Variants in SORCS2 observed in about 807,000 individuals in gnomAD.
SORCS2 encodes the protein sortilin related VPS10 domain containing receptor 2.
Under a neutral mutation model 141.6 loss-of-function variants are expected in SORCS2, and 100 were observed. The ratio of observed to expected loss-of-function variants is 0.71; its 90% CI spans 0.60 to 0.83. The LOEUF is 0.83. Ranked by LOEUF, SORCS2 falls within the 40% of genes least tolerant of loss-of-function variation. SORCS2 has a pLI of 0.00. For missense variants in SORCS2, 1,646 were observed against 1,560.2 expected (o/e 1.05, Z -0.93); for synonymous variants, 789 against 676.9 (o/e 1.17, Z -2.57).
chr4:7,240,111 G>A (rs564348504), intron 1 of SORCS2, among the ~76,000 whole-genome samples: 27 of 152,318 alleles, frequency 1.8e-4, no homozygotes, highest in Admixed American at 1.0e-3. Context: ...TCCACCTGAC[G>A]TTGTTGGGCC....
intron 2 of SORCS2, among the ~76,000 whole-genome samples, chr4:7,403,117 A>G (rs1411760180): frequency 2.0e-5 from 3 of 152,172 alleles, no homozygotes; most frequent in African/African-American, 4.8e-5. Context: ...TAGAATAGCA[A>G]TTCTGATGGA....
intron 3 of SORCS2, among the ~76,000 whole-genome samples, chr4:7,621,034 A>G (rs1353623687): frequency 6.6e-6 from 1 of 152,124 alleles, no homozygotes; most frequent in African/African-American, 2.4e-5. Flanking sequence ...GCCGGCCATG[A>G]GGTCCCAGCT....
chr4:7,554,826 G>A (rs1387309883), intron 3 of SORCS2, among the ~76,000 whole-genome samples: 1 of 152,188 alleles, frequency 6.6e-6, no homozygotes, highest in Non-Finnish European at 1.5e-5. Context: ...GGTGCACACA[G>A]GACCCCGTGA....
chr4:7,426,445 G>A (rs1726444489), intron 2 of SORCS2, among the ~76,000 whole-genome samples: 1 of 152,206 alleles, frequency 6.6e-6, no homozygotes, highest in Non-Finnish European at 1.5e-5. Context: ...AAGTGTTGTA[G>A]GCCAGGTGTG....
chr4:7,263,759 C>T (rs1714525422), intron 1 of SORCS2, among the ~76,000 whole-genome samples: 2 of 152,214 alleles, frequency 1.3e-5, no homozygotes, highest in African/African-American at 4.8e-5. Flanking sequence ...CAAGACTCCA[C>T]TGTGGACACC....
chr4:7,409,483 T>A (rs1725170842), intron 2 of SORCS2, among the ~76,000 whole-genome samples: 1 of 152,234 alleles, frequency 6.6e-6, no homozygotes, highest in Non-Finnish European at 1.5e-5. Flanking sequence ...ACGGCTGGGC[T>A]TGGTAGTCCT....
intron 3 of SORCS2, among the ~76,000 whole-genome samples, chr4:7,554,690 G>C (rs905811774): frequency 7.2e-5 from 11 of 152,196 alleles, no homozygotes; most frequent in Non-Finnish European, 1.0e-4. Context: ...GATTCTGCAA[G>C]GTAAGAGGAG....
intron 1 of SORCS2, among the ~76,000 whole-genome samples, chr4:7,383,853 A>G (rs1472680317): frequency 6.6e-6 from 1 of 152,234 alleles, no homozygotes; most frequent in Non-Finnish European, 1.5e-5. Context: ...AATGGAGAGT[A>G]AATAATATTT....
chr4:7,676,434 C>T (rs1723116836), intron 9 of SORCS2, among the ~76,000 whole-genome samples: 1 of 152,202 alleles, frequency 6.6e-6, no homozygotes, highest in Non-Finnish European at 1.5e-5. Flanking sequence ...AAGAGAATTT[C>T]CTTCTTGAGG....
At chr4:7,710,384 C>T (rs1222249746) in intron 14 of SORCS2, among the ~76,000 whole-genome samples, 1 of 152,120 alleles carries the variant, frequency 6.6e-6, no homozygotes, top group African/African-American at 2.4e-5. Context: ...CACGCCTGGG[C>T]CCGGCCTGCA....
chr4:7,605,116 C>A (rs1453753120), intron 3 of SORCS2, among the ~76,000 whole-genome samples: 1 of 152,174 alleles, frequency 6.6e-6, no homozygotes, highest in Non-Finnish European at 1.5e-5. Flanking sequence ...TGTGAGGGAT[C>A]CATGTTTCTT....
chr4:7,225,043 A>G (rs1360428160), intron 1 of SORCS2, among the ~76,000 whole-genome samples: 6 of 152,240 alleles, frequency 3.9e-5, no homozygotes, highest in Admixed American at 3.9e-4. Flanking sequence ...CCAATTATAC[A>G]AAATATGTTG....
chr4:7,670,931 A>T (rs1221009841), intron 8 of SORCS2, among the ~76,000 whole-genome samples: 1 of 152,230 alleles, frequency 6.6e-6, no homozygotes, highest in Non-Finnish European at 1.5e-5. Flanking sequence ...CATTATTGCA[A>T]CCACCATGAG....
intron 2 of SORCS2, among the ~76,000 whole-genome samples, chr4:7,508,930 A>T (rs1259765330): frequency 1.3e-5 from 2 of 152,054 alleles, no homozygotes; most frequent in African/African-American, 4.8e-5. Context: ...GCCCGGCTGC[A>T]AGCTGCTTTC....
At chr4:7,338,074 A>G (rs915126169) in intron 1 of SORCS2, among the ~76,000 whole-genome samples, 1 of 150,806 alleles carries the variant, frequency 6.6e-6, no homozygotes, top group Non-Finnish European at 1.5e-5. Context: ...CACCTAGAAG[A>G]TGTTGGCTGG....
chr4:7,511,579 G>A (rs73099730), intron 2 of SORCS2, among the ~76,000 whole-genome samples: 1 of 152,130 alleles, frequency 6.6e-6, no homozygotes, highest in Non-Finnish European at 1.5e-5. Flanking sequence ...TGAGCCTGGG[G>A]TGGGGGCAGA....
At chr4:7,613,100 C>G (rs1718527551) in intron 3 of SORCS2, among the ~76,000 whole-genome samples, 1 of 152,254 alleles carries the variant, frequency 6.6e-6, no homozygotes, top group Non-Finnish European at 1.5e-5. Context: ...GCCTGCAGAG[C>G]TCACAGACAT....
chr4:7,677,225 G>A (rs186815278), intron 9 of SORCS2, among the ~76,000 whole-genome samples: 31 of 152,220 alleles, frequency 2.0e-4, no homozygotes, highest in South Asian at 1.2e-3. Context: ...GGCCTCCCGC[G>A]TGAGCCTCCA....
intron 2 of SORCS2, among the ~76,000 whole-genome samples, chr4:7,400,196 A>C (rs1043160941): frequency 2.0e-5 from 3 of 148,878 alleles, no homozygotes; most frequent in Non-Finnish European, 3.0e-5. Flanking sequence ...TCTACCTCTT[A>C]CTGTTCAGTG....
Sources: gnomAD v4.1 joint callset for allele counts (sites outside exome capture counted in the v4.1 genomes callset) on GRCh38, gnomAD v4.1.1 for gene constraint, MANE v1.5 for transcripts, NCBI Gene and HGNC (gene_info 2026-07-23, HGNC 2026-07-21) for gene names.